The following RBFOX1 variants were observed in gnomAD, a reference collection of about 807,000 sequenced individuals.
RBFOX1 encodes the protein RNA binding fox-1 homolog 1.
RBFOX1 carries 8 observed loss-of-function variants against 57.7 expected under a neutral mutation model. That is an observed-to-expected ratio of 0.14 (90% confidence interval 0.08 to 0.25). RBFOX1 has a LOEUF of 0.25. Among genes scored for constraint, RBFOX1 ranks in the 10% least tolerant of loss-of-function variants. The probability of loss-of-function intolerance (pLI) is 1.00; values close to 1 mark genes in which losing one functional copy is unlikely to be tolerated. For synonymous variants in RBFOX1, 326 were observed against 222.4 expected, an observed-to-expected ratio of 1.47 and a Z score of -4.15; for missense variants, 611 against 548.5, an observed-to-expected ratio of 1.11 and a Z score of -1.14.
chr16:6,560,337 G>C (rs978964255), intron 2 of RBFOX1, among the ~76,000 whole-genome samples: 1 of 73,926 alleles, frequency 1.4e-5, no homozygotes, highest in Non-Finnish European at 3.5e-5. Flanking sequence ...GAGGGCAGGA[G>C]AGTGGGGGTG....
At chr16:7,048,208 A>G (rs114928245) in intron 3 of RBFOX1, among the ~76,000 whole-genome samples, 1 of 149,942 alleles carries the variant, frequency 6.7e-6, no homozygotes, top group Non-Finnish European at 1.5e-5. Context: ...TTTTAAAAAA[A>G]TTTAGTTATT....
chr16:6,213,744 C>G (rs529941494), intron 1 of RBFOX1, among the ~76,000 whole-genome samples: 3 of 152,352 alleles, frequency 2.0e-5, no homozygotes, highest in African/African-American at 4.8e-5. Context: ...GTATCCCTCT[C>G]CATCCCTTTG....
intron 2 of RBFOX1, among the ~76,000 whole-genome samples, chr16:6,649,354 T>A (rs12917700): frequency 0.28 from 41,903 of 152,072 alleles, 6,169 homozygotes; most frequent in African/African-American, 0.37. Flanking sequence ...TGATGGACAC[T>A]TAGTTTTTTG....
At chr16:6,644,162 T>C (rs2098514797) in intron 2 of RBFOX1, among the ~76,000 whole-genome samples, 1 of 152,174 alleles carries the variant, frequency 6.6e-6, no homozygotes, top group African/African-American at 2.4e-5. Context: ...ATCACCAGTA[T>C]GCTCTTAGTC....
At chr16:5,696,249 A>T (rs1034987997) in intron 3 of RBFOX1, among the ~76,000 whole-genome samples, 10 of 152,308 alleles carry the variant, frequency 6.6e-5, no homozygotes, top group Non-Finnish European at 4.4e-5. Flanking sequence ...TAGCTGCCAG[A>T]ACTATTATTC....
At chr16:5,354,633 G>T (rs575749103) in intron 1 of RBFOX1, among the ~76,000 whole-genome samples, 2 of 152,242 alleles carry the variant, frequency 1.3e-5, no homozygotes, top group East Asian at 3.8e-4. Context: ...ACAGAGTGCT[G>T]TCTGCCCAGC....
intron 14 of RBFOX1, 68 bp from the exon 15 acceptor site, chr16:7,708,988 A>G: frequency 6.8e-7 from 1 of 1,468,138 alleles, no homozygotes; most frequent in Non-Finnish European, 9.5e-7. Context: ...GGTATTTTGG[A>G]TTTTATGATT....
chr16:6,497,844 A>G (rs898496018), intron 2 of RBFOX1, among the ~76,000 whole-genome samples: 3 of 152,092 alleles, frequency 2.0e-5, no homozygotes, highest in Non-Finnish European at 2.9e-5. Flanking sequence ...GGCGTGAGTC[A>G]CCACTCCCGG....
intron 4 of RBFOX1, among the ~76,000 whole-genome samples, chr16:7,135,918 C>T (rs1368057112): frequency 6.6e-6 from 1 of 152,236 alleles, no homozygotes; most frequent in African/African-American, 2.4e-5. Flanking sequence ...GGTTCATCTG[C>T]ATTGTCTTTG....
chr16:7,152,635 G>A (rs999493839), intron 4 of RBFOX1, among the ~76,000 whole-genome samples: 9 of 152,106 alleles, frequency 5.9e-5, no homozygotes, highest in African/African-American at 2.2e-4. Context: ...GGAAAGATGT[G>A]AGTCTGGTAT....
chr16:7,514,247 T>G lies in RBFOX1; in HGVS notation c.28-3900T>G, dbSNP rs185460670. Among the ~76,000 whole-genome samples, 30 of 152,290 alleles carry G rather than the reference T, an allele frequency of 2.0e-4. No individual in the cohort carries two copies. The East Asian group carries it at 5.0e-3, about 26-fold the overall frequency. On this transcript the variant is annotated intron_variant, in intron 4 of 15. Coordinates refer to ENST00000550418, the MANE Select transcript of RBFOX1 (RefSeq NM_018723.4). ...GCATGGGTGTGTTCCAATAAAACTTTATTTACAAAAACAAAATTTGGGCCA... is the reference window on the plus strand; with the variant it reads ...GCATGGGTGTGTTCCAATAAAACTTGATTTACAAAAACAAAATTTGGGCCA...
At chr16:6,511,153 T>C (rs1309517866) in intron 2 of RBFOX1, among the ~76,000 whole-genome samples, 1 of 152,098 alleles carries the variant, frequency 6.6e-6, no homozygotes, top group Non-Finnish European at 1.5e-5. Flanking sequence ...GGTGTTACGC[T>C]GGGTTGGTGG....
At chr16:6,226,978 G>A (rs1462029383) in intron 1 of RBFOX1, among the ~76,000 whole-genome samples, 1 of 150,404 alleles carries the variant, frequency 6.6e-6, no homozygotes, top group Non-Finnish European at 1.5e-5. Flanking sequence ...ACAAAAATTA[G>A]CTGGGTGTGG....
At chr16:6,836,056 A>G (rs866206514) in intron 3 of RBFOX1, among the ~76,000 whole-genome samples, 4 of 152,232 alleles carry the variant, frequency 2.6e-5, no homozygotes, top group African/African-American at 7.2e-5. Flanking sequence ...CTACTGTTCA[A>G]TAGCTAGCTC....
intron 3 of RBFOX1, among the ~76,000 whole-genome samples, chr16:5,803,824 A>G (rs1314648569): frequency 1.3e-5 from 2 of 152,136 alleles, no homozygotes; most frequent in African/African-American, 4.8e-5. Context: ...GATTGCAGAA[A>G]TGTTGCTTCT....
At chr16:5,784,569 T>A (rs577589480) in intron 3 of RBFOX1, among the ~76,000 whole-genome samples, 60 of 152,322 alleles carry the variant, frequency 3.9e-4, no homozygotes, top group African/African-American at 1.2e-3. Flanking sequence ...GGGATGGTGC[T>A]AAACTCTTCA....
intron 3 of RBFOX1, among the ~76,000 whole-genome samples, chr16:6,940,199 A>AAAAT (rs751398033): frequency 3.1e-4 from 44 of 141,838 alleles, no homozygotes; most frequent in East Asian, 6.8e-4. Context: ...CTCAAAAATA[A>AAAAT]AAATAAATAA....
chr16:5,373,151 C>T (rs2065901563), intron 1 of RBFOX1, among the ~76,000 whole-genome samples: 2 of 152,148 alleles, frequency 1.3e-5, no homozygotes, highest in African/African-American at 4.8e-5. Flanking sequence ...TCGGCAGAAC[C>T]ATGGCCCATT....
chr16:6,514,462 A>T (rs990681801), intron 2 of RBFOX1, among the ~76,000 whole-genome samples: 5 of 152,156 alleles, frequency 3.3e-5, no homozygotes, highest in African/African-American at 1.2e-4. Flanking sequence ...GATCACACTT[A>T]CCTCAACTAA....
Sources: gnomAD v4.1 joint callset for allele counts (sites outside exome capture counted in the v4.1 genomes callset) on GRCh38, gnomAD v4.1.1 for gene constraint, MANE v1.5 for transcripts, NCBI Gene and HGNC (gene_info 2026-07-23, HGNC 2026-07-21) for gene names.